PPM1B: variants seen among roughly 807,000 people sequenced by gnomAD.
PPM1B encodes the protein protein phosphatase 1B.
PPM1B carries 22 observed loss-of-function variants against 43.0 expected under a neutral mutation model. The ratio of observed to expected loss-of-function variants is 0.51; its 90% CI spans 0.37 to 0.73. The LOEUF is 0.73. PPM1B is among the 30% of genes least tolerant of loss of function. The pLI, the probability that PPM1B is intolerant of heterozygous loss-of-function variation, is 0.00. For synonymous variants in PPM1B, 217 were observed against 197.9 expected, an observed-to-expected ratio of 1.10 and a Z score of -0.81; for missense variants, 632 against 584.2, an observed-to-expected ratio of 1.08 and a Z score of -0.84.
intron 5 of PPM1B, among the ~76,000 whole-genome samples, chr2:44,225,307 A>G (rs537030343): frequency 6.6e-6 from 1 of 152,334 alleles, no homozygotes; most frequent in African/African-American, 2.4e-5. Flanking sequence ...AGGTAGAGTT[A>G]ATTGCTATAA....
Position 44,201,470 on chromosome 2 carries a change from T to A in PPM1B, c.271T>A (p.Ser91Thr). Residue 91 changes from serine to threonine, a missense_variant, in exon 2 of 6, where the codon TCA (serine) becomes ACA (threonine). Ser to Thr is a moderately conservative substitution (Grantham distance 58). Around this residue, in one of 3 missense-constraint regions of PPM1B, gnomAD observed 200 missense variants for 200.7 expected, o/e 1.00. Transcript: ENST00000282412. This position sits in a 1 kb window ranked among gnomAD's most constrained non-coding sequence, Gnocchi z 5.4. Reference protein sequence around the residue: ...TNEDFRAAGKSGSALELSVEN... With the variant: ...TNEDFRAAGKTGSALELSVEN... ...CGAAGACTTTAGGGCAGCTGGAAAA[T>A]CAGGATCTGCTCTTGAGCTTTCAGT... The A allele has an allele frequency of 6.2e-7, 1 of 1,614,210 alleles. No homozygotes were observed. The highest frequency in any genetic ancestry group is 8.5e-7 in the Non-Finnish European group (1 of 1,180,034).
chr2:44,232,973 C>A (rs375539516), downstream of PPM1B: 2 of 979,704 alleles, frequency 2.0e-6, no homozygotes, highest in Non-Finnish European at 2.4e-6. Context: ...ATATTATAAA[C>A]CCTTACAAAT....
intron 1 of PPM1B, among the ~76,000 whole-genome samples, chr2:44,175,685 CAAAAG>C (rs1667549806): frequency 6.6e-6 from 1 of 150,890 alleles, no homozygotes; most frequent in Non-Finnish European, 1.5e-5. Flanking sequence ...CTATTTTTAA[CAAAAG>C]GAAAGGAAGA....
rs183614260 is a variant in PPM1B, at chr2:44,221,618, A to G, written c.1134+3081A>G. ...AATAACAAAAATTATTTTTGTTTAG[A>G]TATTTAAACAAAGAATTCTAGCCAG... is the stretch of plus-strand genomic sequence containing the variant. On this transcript the variant is annotated intron_variant, in intron 5 of 5. Coordinates refer to ENST00000282412, the MANE Select transcript of PPM1B (RefSeq NM_002706.6). Among the ~76,000 whole-genome samples the G allele has an allele frequency of 3.2e-3, 494 of 152,306 alleles. 3 individuals carry two copies. The highest frequency in any genetic ancestry group is 6.2e-3 in the Non-Finnish European group (419 of 68,030).
intron 5 of PPM1B, among the ~76,000 whole-genome samples, chr2:44,242,326 A>G (rs1018763891): frequency 6.6e-6 from 1 of 152,224 alleles, no homozygotes; most frequent in African/African-American, 2.4e-5. Context: ...ACACATGAAA[A>G]TAATACACAT....
chr2:44,230,386 C>T, intron 5 of PPM1B, 27 bp from the exon 6 acceptor site: 1 of 1,609,036 alleles, frequency 6.2e-7, no homozygotes, highest in Non-Finnish European at 8.5e-7. Context: ...TGTCTACTGA[C>T]ACTGGGGTCT....
chr2:44,213,973 G>T (rs925589035), intron 3 of PPM1B, among the ~76,000 whole-genome samples: 1 of 152,138 alleles, frequency 6.6e-6, no homozygotes, highest in African/African-American at 2.4e-5. Context: ...ATTTTAGGAA[G>T]AGCTCTCTAG....
chr2:44,208,555 A>G (rs1388036855), intron 2 of PPM1B, among the ~76,000 whole-genome samples: 3 of 152,124 alleles, frequency 2.0e-5, no homozygotes, highest in East Asian at 1.9e-4. Context: ...TCTACTAAAT[A>G]TAAAAAAATT....
At chr2:44,232,395 A>T (rs749850603), downstream of PPM1B, 59 of 1,593,664 alleles carry the variant, frequency 3.7e-5, no homozygotes, top group Non-Finnish European at 4.7e-5. Flanking sequence ...GGGGGAAAAA[A>T]CTTTTAATCA....
At chr2:44,244,455 C>A, downstream of PPM1B, 1 of 1,005,180 alleles carries the variant, frequency 9.9e-7, no homozygotes, top group Non-Finnish European at 1.3e-6. Context: ...GTCACTGTGC[C>A]CTTCAAAATC....
intron 5 of PPM1B, among the ~76,000 whole-genome samples, chr2:44,221,113 C>T (rs1292417770): frequency 6.6e-6 from 1 of 152,082 alleles, no homozygotes; most frequent in Non-Finnish European, 1.5e-5. Flanking sequence ...GAAACATTTA[C>T]CATATTAGAT....
intron 3 of PPM1B, among the ~76,000 whole-genome samples, chr2:44,213,031 AAATTCC>A (rs1669553384): frequency 6.6e-6 from 1 of 151,030 alleles, no homozygotes; most frequent in Non-Finnish European, 1.5e-5. Flanking sequence ...AAAAAAAAAA[AAATTCC>A]ATTTAGTAAA....
rs1296876584 is a variant in PPM1B, at chr2:44,218,953, G to A, written c.1134+416G>A. 1.1e-5 allele frequency: 5 copies of A among 442,682 alleles called. No individual in the cohort carries two copies. In the East Asian group the frequency reaches 2.8e-4, roughly 25 times the overall value. The allele number at this position is 442,682 out of a possible 1,614,324, so 27.4% of individuals were successfully genotyped here. ...GTTATTTTAATAACTAGACCTTTCA[G>A]TACCCCTGTATGCCCACTTGGAATA... On this transcript the variant is annotated intron_variant, in intron 5 of 5. Coordinates refer to ENST00000282412, the MANE Select transcript of PPM1B (RefSeq NM_002706.6).
rs1670443103 is a variant in PPM1B, at chr2:44,230,883, G to A, written c.*165G>A. 7.3e-7 allele frequency: 1 copy of A among 1,368,654 alleles called. No homozygotes were observed. Among genetic ancestry groups the A allele is most frequent in the African/African-American group, 1.5e-5 (1 of 67,946 alleles). The allele number at this position is 1,368,654 out of a possible 1,614,324, so 84.8% of individuals were successfully genotyped here. A position where few individuals can be genotyped will look rare whatever the true frequency, so the allele number is the denominator to read the frequency against. ...AAGGCCTTTGCATACACCTTTATGAGATAGTGTAAAATTGACTATTTATAG... is the reference window on the plus strand; with the variant it reads ...AAGGCCTTTGCATACACCTTTATGAAATAGTGTAAAATTGACTATTTATAG... On this transcript the variant is annotated 3_prime_UTR_variant, in exon 6 of 6. Transcript: ENST00000282412.
chr2:44,182,063 A>G (rs1667900420), intron 1 of PPM1B, among the ~76,000 whole-genome samples: 1 of 152,104 alleles, frequency 6.6e-6, no homozygotes, highest in African/African-American at 2.4e-5. Context: ...AAAGTACCTT[A>G]TTTTGAGAAG....
downstream of PPM1B, chr2:44,233,374 T>C: frequency 1.0e-6 from 1 of 984,252 alleles, no homozygotes; most frequent in South Asian, 4.7e-5. Flanking sequence ...AGAGTGATTG[T>C]CACATAAGGT....
Position 44,241,199 on chromosome 2 carries a change from CTCCATGTT to C in PPM1B, n.1547-3028_1547-3021del, listed in dbSNP as rs1670737625. On this transcript the variant is annotated intron_variant and non_coding_transcript_variant, in intron 5 of 5. Transcript: ENST00000378540. ...TGTATTTTCAGTAGGGTGGGGGTTTCTCCATGTTGGCCAGGCTGGTCTCGAACTCCCGA... is the reference window on the plus strand; with the variant it reads ...TGTATTTTCAGTAGGGTGGGGGTTTCGGCCAGGCTGGTCTCGAACTCCCGA... Among the ~76,000 whole-genome samples, 2 of 142,258 alleles carry C rather than the reference CTCCATGTT, an allele frequency of 1.4e-5. 1 individual carries two copies. Among genetic ancestry groups the C allele is most frequent in the Non-Finnish European group, 3.1e-5 (2 of 64,046 alleles). The allele number at this position is 142,258 out of a possible 152,430, so 93.3% of individuals were successfully genotyped here.
intron 5 of PPM1B, among the ~76,000 whole-genome samples, chr2:44,224,230 C>T (rs543619884): frequency 3.9e-5 from 6 of 152,064 alleles, no homozygotes; most frequent in South Asian, 4.1e-4. Flanking sequence ...CCGAGGTGGG[C>T]GGATCACAAG....
rs1422737855 is a variant in PPM1B, at chr2:44,242,241, G to A, written n.1547-1987G>A. On this transcript the variant is annotated intron_variant and non_coding_transcript_variant, in intron 5 of 5. Coordinates refer to the PPM1B transcript ENST00000378540. ...TTCTTAACATATAAAAGAATGGTAC[G>A]TAAAATAATGGAATCTTAGAGTTGA... is the stretch of plus-strand genomic sequence containing the variant. 2.6e-5 allele frequency among the ~76,000 whole-genome samples: 4 copies of A among 152,048 alleles called. No individual in the cohort carries two copies. In the East Asian group the frequency reaches 5.8e-4, roughly 22 times the overall value.
Sources: allele counts gnomAD v4.1 joint callset (sites outside exome capture counted in the v4.1 genomes callset), GRCh38; gene constraint gnomAD v4.1.1; regional missense constraint gnomAD v4.1.1; non-coding constraint Gnocchi (gnomAD v3.1); transcripts MANE v1.5; gene names NCBI Gene and HGNC (gene_info 2026-07-23, HGNC 2026-07-21).